The following NTM variants were observed in gnomAD, a reference collection of about 807,000 sequenced individuals.
NTM encodes the protein neurotrimin.
A neutral mutation model predicts 42.1 loss-of-function variants in NTM; 13 were observed. That is an observed-to-expected ratio of 0.31 (90% CI 0.20 to 0.49). The LOEUF (loss-of-function observed/expected upper bound fraction) is 0.49, where lower values mean the gene tolerates loss of function less well. Ranked by LOEUF, NTM falls within the 20% of genes least tolerant of loss-of-function variation. NTM has a pLI of 0.99. For missense variants in NTM, 373 were observed against 452.8 expected (o/e 0.82, Z 1.60); for synonymous variants, 187 against 179.2 (o/e 1.04, Z -0.35).
At chr11:132,304,652 TG>T (rs1390454831) in intron 4 of NTM, among the ~76,000 whole-genome samples, 1 of 152,238 alleles carries the variant, frequency 6.6e-6, no homozygotes, top group Non-Finnish European at 1.5e-5. Context: ...ACTTTCTCTC[TG>T]GTTTTGCCAT....
At chr11:132,197,955 A>C (rs1027977147) in intron 3 of NTM, among the ~76,000 whole-genome samples, 1 of 151,970 alleles carries the variant, frequency 6.6e-6, no homozygotes, top group Non-Finnish European at 1.5e-5. Context: ...GCCACAGTAA[A>C]CATACGTGTG....
intron 1 of NTM, among the ~76,000 whole-genome samples, chr11:131,895,315 A>G (rs923472874): frequency 8.5e-5 from 13 of 152,140 alleles, no homozygotes; most frequent in African/African-American, 3.1e-4. Flanking sequence ...CATACATTTC[A>G]CCCATACAGT....
chr11:131,614,408 G>C (rs2061727708), intron 1 of NTM, among the ~76,000 whole-genome samples: 1 of 152,176 alleles, frequency 6.6e-6, no homozygotes, highest in Non-Finnish European at 1.5e-5. Context: ...CTCTACGAAG[G>C]AAAATAAACA....
At chr11:131,905,967 A>G (rs1357170456) in intron 1 of NTM, among the ~76,000 whole-genome samples, 1 of 152,186 alleles carries the variant, frequency 6.6e-6, no homozygotes, top group African/African-American at 2.4e-5. Context: ...CAGCAATGAG[A>G]AAGTTCTCAA....
rs75980357 is a variant in NTM at position 131,887,245 on chromosome 11, T to C, written c.83-24319T>C. Among the ~76,000 whole-genome samples the C allele has an allele frequency of 4.5e-3, 681 of 152,356 alleles. 12 individuals are homozygous for C. Among genetic ancestry groups the C allele is most frequent in the African/African-American group, 0.016 (646 of 41,582 alleles). ...AATGCATACTTACATCAAAACATCA[T>C]GTTGTACACCTTGAATATATACAGT... On this transcript the variant is annotated intron_variant, in intron 1 of 8. Transcript: ENST00000683400.
rs78835731 is a variant in NTM, at chr11:131,660,196, C to T, written c.83-251368C>T. On this transcript the variant is annotated intron_variant, in intron 1 of 8. Coordinates refer to ENST00000683400, the MANE Select transcript of NTM (RefSeq NM_001352005.2). Reference sequence around the variant, plus strand: ...AGTGTCCCGTAGGACTCGGGTGGGCCAGTTTGCATCATGTATTGAGGCAGG... The same window carrying T: ...AGTGTCCCGTAGGACTCGGGTGGGCTAGTTTGCATCATGTATTGAGGCAGG... 6 of 264,414 alleles carry T rather than the reference C, an allele frequency of 2.3e-5. No homozygotes were observed. The East Asian group carries it at 5.1e-4, about 22-fold the overall frequency. The allele number at this position is 264,414 out of a possible 1,614,324, so 16.4% of individuals were successfully genotyped here. A position where few individuals can be genotyped will look rare whatever the true frequency, so the allele number is the denominator to read the frequency against.
intron 1 of NTM, among the ~76,000 whole-genome samples, chr11:131,503,192 G>T (rs998004998): frequency 6.6e-6 from 1 of 152,190 alleles, no homozygotes; most frequent in Admixed American, 6.5e-5. Context: ...AGGGTACAAA[G>T]GAATGAGAGC....
At chr11:132,258,835 C>T (rs1219340255) in intron 4 of NTM, among the ~76,000 whole-genome samples, 1 of 152,166 alleles carries the variant, frequency 6.6e-6, no homozygotes, top group African/African-American at 2.4e-5. Context: ...ATTGAGTATT[C>T]ACCTGTAAGA....
intron 1 of NTM, among the ~76,000 whole-genome samples, chr11:131,818,633 C>T (rs2093048685): frequency 6.6e-6 from 1 of 152,086 alleles, no homozygotes. Flanking sequence ...ACAGAGGTAC[C>T]ATTCATTCAT....
At position 131,593,393 on chromosome 11, in the gene NTM, A is replaced by G. The variant is rs141719855; in HGVS notation, c.82+222505A>G. Among the ~76,000 whole-genome samples the G allele has an allele frequency of 3.1e-3, 469 of 152,302 alleles. 3 individuals are homozygous for G. Among genetic ancestry groups the G allele is most frequent in the African/African-American group, 0.011 (451 of 41,568 alleles). Reference sequence around the variant, plus strand: ...TGGGGTACGAGCATCTTCTGGAGACAGGCTGCTGGCTGGGACTTCCCAACC... The same window carrying G: ...TGGGGTACGAGCATCTTCTGGAGACGGGCTGCTGGCTGGGACTTCCCAACC... On this transcript the variant is annotated intron_variant, in intron 1 of 8. Coordinates refer to ENST00000683400, the MANE Select transcript of NTM (RefSeq NM_001352005.2).
chr11:131,449,661 G>T (rs968812852), intron 1 of NTM, among the ~76,000 whole-genome samples: 8 of 152,188 alleles, frequency 5.3e-5, no homozygotes, highest in Non-Finnish European at 2.9e-5. Context: ...CTCTGTTCTT[G>T]TGGTAATTTC....
intron 1 of NTM, among the ~76,000 whole-genome samples, chr11:131,818,242 A>AC (rs111312591): frequency 0.19 from 28,848 of 151,948 alleles, 5,425 homozygotes; most frequent in African/African-American, 0.49. Context: ...GGCTCCCACC[A>AC]CCCAGGCCTG....
At chr11:131,380,278 G>C (rs1942495057) in intron 1 of NTM, among the ~76,000 whole-genome samples, 1 of 146,728 alleles carries the variant, frequency 6.8e-6, no homozygotes. Flanking sequence ...TGCCATCTCA[G>C]CTCACCTCAA....
At chr11:131,445,785 T>C (rs1226890608) in intron 1 of NTM, among the ~76,000 whole-genome samples, 1 of 152,168 alleles carries the variant, frequency 6.6e-6, no homozygotes, top group Non-Finnish European at 1.5e-5. Flanking sequence ...AGCCCAATTA[T>C]TTTTTTCTTT....
At chr11:132,142,000 C>T (rs1364426196) in intron 2 of NTM, among the ~76,000 whole-genome samples, 1 of 152,174 alleles carries the variant, frequency 6.6e-6, no homozygotes, top group Non-Finnish European at 1.5e-5. Flanking sequence ...CAGAAGGGAG[C>T]TGGAGTTGCA....
chr11:132,041,269 T>G (rs999759882), intron 2 of NTM, among the ~76,000 whole-genome samples: 1 of 150,876 alleles, frequency 6.6e-6, no homozygotes, highest in Non-Finnish European at 1.5e-5. Flanking sequence ...AAGTGAGAAG[T>G]GGTTTGTTTT....
At chr11:132,030,017 A>C (rs996243448) in intron 2 of NTM, among the ~76,000 whole-genome samples, 1 of 152,202 alleles carries the variant, frequency 6.6e-6, no homozygotes, top group Non-Finnish European at 1.5e-5. Context: ...TTCTTTTTCT[A>C]AAATATATTA....
intron 1 of NTM, among the ~76,000 whole-genome samples, chr11:131,452,117 G>C (rs372026465): frequency 6.6e-6 from 1 of 152,196 alleles, no homozygotes; most frequent in African/African-American, 2.4e-5. Context: ...GAAAAGAAGT[G>C]GGGGGAGGGA....
chr11:132,060,172 G>A (rs1188748544), intron 2 of NTM, among the ~76,000 whole-genome samples: 1 of 152,168 alleles, frequency 6.6e-6, no homozygotes, highest in African/African-American at 2.4e-5. Flanking sequence ...CCACACTTTG[G>A]CATTATACGT....
Sources: allele counts gnomAD v4.1 joint callset (sites outside exome capture counted in the v4.1 genomes callset), GRCh38; gene constraint gnomAD v4.1.1; transcripts MANE v1.5; gene names NCBI Gene and HGNC (gene_info 2026-07-23, HGNC 2026-07-21).